TRMT11: variants seen among roughly 807,000 people sequenced by gnomAD.
The protein encoded by TRMT11 is tRNA (guanine(10)-N(2))-methyltransferase TRMT11.
A neutral mutation model predicts 62.8 loss-of-function variants in TRMT11; 53 were observed. The observed-to-expected ratio is 0.84, with a 90% CI of 0.68 to 1.06. The LOEUF is 1.06. Among genes scored for constraint, TRMT11 ranks in the 50% least tolerant of loss-of-function variants. The probability of loss-of-function intolerance (pLI) is 0.00; values close to 1 mark genes in which losing one functional copy is unlikely to be tolerated. For missense variants in TRMT11, 556 were observed against 553.4 expected, an observed-to-expected ratio of 1.00 and a Z score of -0.05; for synonymous variants, 188 against 190.3, an observed-to-expected ratio of 0.99 and a Z score of 0.10.
the TRMT11 span, among the ~76,000 whole-genome samples, chr6:126,251,842 A>G: frequency 6.6e-6 from 1 of 152,160 alleles, no homozygotes; most frequent in Non-Finnish European, 1.5e-5. Flanking sequence ...TATTTACATC[A>G]GGTATCCTAA....
chr6:126,115,516 T>C (rs1299831607), intron 20 of TRMT11, among the ~76,000 whole-genome samples: 1 of 152,132 alleles, frequency 6.6e-6, no homozygotes, highest in East Asian at 1.9e-4. Context: ...GCCCTCAAAA[T>C]ATGTTCATTT....
the TRMT11 span, among the ~76,000 whole-genome samples, chr6:126,247,565 AAT>A: frequency 2.1e-4 from 31 of 146,696 alleles, no homozygotes; most frequent in East Asian, 4.5e-3. Context: ...TAAATATATA[AAT>A]ATATATATAT....
chr6:126,165,734 C>G (rs1778251152), intron 21 of TRMT11, among the ~76,000 whole-genome samples: 1 of 152,144 alleles, frequency 6.6e-6, no homozygotes, highest in Non-Finnish European at 1.5e-5. Flanking sequence ...TCATTTCAAC[C>G]TTGGTGAATC....
intron 12 of TRMT11, among the ~76,000 whole-genome samples, chr6:126,028,689 G>A (rs968096487): frequency 2.6e-5 from 4 of 151,976 alleles, no homozygotes; most frequent in Non-Finnish European, 5.9e-5. Context: ...TTTGTCAAAC[G>A]GGATTTTTAA....
At chr6:126,112,210 A>G (rs1777540096) in intron 17 of TRMT11, among the ~76,000 whole-genome samples, 1 of 152,202 alleles carries the variant, frequency 6.6e-6, no homozygotes, top group East Asian at 1.9e-4. Flanking sequence ...CCTGCCCATT[A>G]GAGAACCTGA....
chr6:126,038,667 G>T (rs763604812), intron 12 of TRMT11, 38 bp from the exon 13 acceptor site: 1 of 1,530,084 alleles, frequency 6.5e-7, no homozygotes, highest in South Asian at 1.3e-5. Flanking sequence ...GCTAACTAAA[G>T]AAATAATTTT....
chr6:126,081,438 A>G (rs1013500063), intron 17 of TRMT11, among the ~76,000 whole-genome samples: 17 of 152,324 alleles, frequency 1.1e-4, no homozygotes, highest in Middle Eastern at 3.4e-3. Context: ...CTTCTACATT[A>G]CGATATTGAC....
intron 1 of TRMT11, among the ~76,000 whole-genome samples, chr6:126,196,146 G>C (rs1778664157): frequency 6.6e-6 from 1 of 152,094 alleles, no homozygotes; most frequent in African/African-American, 2.4e-5. Flanking sequence ...TAGTACCCTG[G>C]AAAGTCAAAA....
the TRMT11 span, among the ~76,000 whole-genome samples, chr6:126,240,822 G>A: frequency 6.6e-6 from 1 of 152,262 alleles, no homozygotes; most frequent in Non-Finnish European, 1.5e-5. Context: ...GTCTACAGAG[G>A]CAGGCAGGCC....
At chr6:126,255,007 A>C in the TRMT11 span, among the ~76,000 whole-genome samples, 2 of 152,176 alleles carry the variant, frequency 1.3e-5, no homozygotes, top group Admixed American at 6.5e-5. Flanking sequence ...ATTTTTTAAA[A>C]ATAAAAAATA....
intron 21 of TRMT11, among the ~76,000 whole-genome samples, chr6:126,149,354 A>T (rs1253218499): frequency 6.6e-6 from 1 of 152,194 alleles, no homozygotes; most frequent in Non-Finnish European, 1.5e-5. Flanking sequence ...AATCATTTTG[A>T]TAAGGAACAT....
intron 21 of TRMT11, among the ~76,000 whole-genome samples, chr6:126,126,740 G>A (rs988688761): frequency 3.3e-5 from 5 of 152,084 alleles, no homozygotes; most frequent in African/African-American, 1.2e-4. Context: ...ATCTCTGCAG[G>A]CTCTTGCCTG....
chr6:126,093,533 A>C (rs1360408689), intron 17 of TRMT11, among the ~76,000 whole-genome samples: 1 of 138,150 alleles, frequency 7.2e-6, no homozygotes, highest in Non-Finnish European at 1.6e-5. Flanking sequence ...ATGCTGCTTC[A>C]ATCTTCAAAT....
chr6:126,023,646 C>G (rs1463028890), intron 12 of TRMT11, among the ~76,000 whole-genome samples: 1 of 150,914 alleles, frequency 6.6e-6, no homozygotes, highest in Non-Finnish European at 1.5e-5. Context: ...GACTCTGTCT[C>G]AAAACAAACA....
At chr6:126,263,397 A>G in the TRMT11 span, among the ~76,000 whole-genome samples, 1 of 151,482 alleles carries the variant, frequency 6.6e-6, no homozygotes, top group Admixed American at 6.6e-5. Context: ...ATATCACTAA[A>G]CTCTTCTTTA....
At chr6:126,270,165 C>T in the TRMT11 span, among the ~76,000 whole-genome samples, 1 of 152,204 alleles carries the variant, frequency 6.6e-6, no homozygotes, top group East Asian at 1.9e-4. Flanking sequence ...ATAATTTGAG[C>T]ACAGTACTTG....
intron 17 of TRMT11, among the ~76,000 whole-genome samples, chr6:126,074,952 G>A (rs550356076): frequency 6.2e-4 from 94 of 151,960 alleles, no homozygotes; most frequent in African/African-American, 2.1e-3. Context: ...ATTGTCTTCC[G>A]TCTGCACAAT....
chr6:126,001,095 C>T (rs1442278525), intron 7 of TRMT11, among the ~76,000 whole-genome samples: 1 of 152,040 alleles, frequency 6.6e-6, no homozygotes, highest in Non-Finnish European at 1.5e-5. Context: ...GTAATTATTT[C>T]TCAAGAATGA....
intron 1 of TRMT11, among the ~76,000 whole-genome samples, chr6:126,190,555 C>A (rs1583904490): frequency 6.6e-6 from 1 of 152,108 alleles, no homozygotes; most frequent in African/African-American, 2.4e-5. Flanking sequence ...TTATAATTAC[C>A]CAGTCTCAGG....
Sources: allele counts gnomAD v4.1 joint callset (sites outside exome capture counted in the v4.1 genomes callset), GRCh38; gene constraint gnomAD v4.1.1; transcripts MANE v1.5; gene names NCBI Gene and HGNC (gene_info 2026-07-23, HGNC 2026-07-21).